The following GRID2 variants were observed in gnomAD, a reference collection of about 807,000 sequenced individuals.
GRID2 encodes glutamate receptor ionotropic, delta-2.
Under a neutral mutation model 114.8 loss-of-function variants are expected in GRID2, and 33 were observed. That is an observed-to-expected ratio of 0.29 (90% CI 0.22 to 0.38). The LOEUF (loss-of-function observed/expected upper bound fraction) is 0.38, where lower values mean the gene tolerates loss of function less well. Ranked by LOEUF, GRID2 falls within the 10% of genes least tolerant of loss-of-function variation. The pLI is 1.00. For missense variants in GRID2, 1,184 were observed against 1,257.7 expected (o/e 0.94, Z 0.89); for synonymous variants, 505 against 449.9 (o/e 1.12, Z -1.55).
At chr4:93,040,441 T>A (rs1174188637) in intron 2 of GRID2, among the ~76,000 whole-genome samples, 1 of 152,152 alleles carries the variant, frequency 6.6e-6, no homozygotes. Context: ...TCTTGAAGTT[T>A]AACAAGATTT....
At chr4:93,797,742 C>A (rs1170330685) in intron 1 of GRID2, among the ~76,000 whole-genome samples, 3 of 149,894 alleles carry the variant, frequency 2.0e-5, no homozygotes, top group Non-Finnish European at 3.0e-5. Flanking sequence ...TTGGTAAAAA[C>A]TTAATCAGAG....
In GRID2 at chr4:93,773,348, G is replaced by A. The variant is rs141747858; in HGVS notation, c.*850G>A. The A allele has an allele frequency of 2.0e-5, 3 of 152,222 alleles. No individual in the cohort carries two copies. Among genetic ancestry groups the A allele is most frequent in the Non-Finnish European group, 4.4e-5 (3 of 67,984 alleles). The allele number at this position is 152,222 out of a possible 1,614,324, so 9.4% of individuals were successfully genotyped here. A position where few individuals can be genotyped will look rare whatever the true frequency, so the allele number is the denominator to read the frequency against. On this transcript the variant is annotated 3_prime_UTR_variant, in exon 16 of 16. Transcript: ENST00000282020. ...ATTGTATACAGGAACTATGTATAGT[G>A]CAGGGGTTCTTTTCAGTTAGAAAAG... is the stretch of plus-strand genomic sequence containing the variant.
At chr4:93,489,958 T>C (rs1245543225) in intron 11 of GRID2, among the ~76,000 whole-genome samples, 1 of 151,924 alleles carries the variant, frequency 6.6e-6, no homozygotes, top group Non-Finnish European at 1.5e-5. Flanking sequence ...TCTAGTGTTA[T>C]CAAAGTATAC....
intron 13 of GRID2, among the ~76,000 whole-genome samples, chr4:93,620,749 A>G (rs4693332): frequency 0.61 from 93,284 of 151,948 alleles, 29,352 homozygotes; most frequent in East Asian, 0.73. Context: ...ATTTCAAAAA[A>G]TTTTAGGCTA....
chr4:92,823,672 A>G (rs1379045091), intron 2 of GRID2, among the ~76,000 whole-genome samples: 1 of 152,192 alleles, frequency 6.6e-6, no homozygotes, highest in African/African-American at 2.4e-5. Context: ...TCCTTAAGTT[A>G]TGATTAATTT....
chr4:92,310,266 A>T (rs544633836), intron 1 of GRID2, among the ~76,000 whole-genome samples: 1 of 152,164 alleles, frequency 6.6e-6, no homozygotes. Flanking sequence ...AGCATATTTC[A>T]TTATAAGAAT....
intron 8 of GRID2, among the ~76,000 whole-genome samples, chr4:93,344,192 AT>A (rs1759952165): frequency 6.6e-6 from 1 of 152,092 alleles, no homozygotes; most frequent in African/African-American, 2.4e-5. Context: ...AAGACTGGTC[AT>A]CAACATTCAG....
intron 2 of GRID2, among the ~76,000 whole-genome samples, chr4:92,850,302 CT>C (rs201239671): frequency 0.011 from 1,650 of 151,782 alleles, 10 homozygotes; most frequent in Middle Eastern, 0.026. Context: ...TAATTATTCT[CT>C]GTTACACACC....
intron 2 of GRID2, among the ~76,000 whole-genome samples, chr4:92,662,802 T>A (rs2149270263): frequency 6.6e-6 from 1 of 151,166 alleles, no homozygotes; most frequent in South Asian, 2.1e-4. Context: ...CAATGAACAA[T>A]ATTGGAGTTT....
At position 93,742,759 on chromosome 4, in the gene GRID2, G is replaced by A. The variant is rs571591960; in HGVS notation, c.2361-26451G>A. On this transcript the variant is annotated intron_variant, in intron 14 of 15. Transcript: ENST00000282020. The stretch of plus-strand genomic sequence containing the variant: ...TGTGGGTTCTGACTGCCCCACTCAC[G>A]GACCATTCCCCTCATATCTCTCCTT... 8.5e-4 allele frequency among the ~76,000 whole-genome samples: 129 copies of A among 152,174 alleles called. 2 individuals carry two copies. In the South Asian group the frequency reaches 0.025, roughly 30 times the overall value.
chr4:92,945,880 A>G (rs1272864954), intron 2 of GRID2, among the ~76,000 whole-genome samples: 2 of 152,128 alleles, frequency 1.3e-5, no homozygotes, highest in East Asian at 1.9e-4. Context: ...GGAAAGATCT[A>G]TGCCCCCTTA....
intron 1 of GRID2, among the ~76,000 whole-genome samples, chr4:92,414,452 TAAAC>T (rs955676624): frequency 1.3e-5 from 2 of 152,102 alleles, no homozygotes; most frequent in African/African-American, 2.4e-5. Flanking sequence ...TAATATTACA[TAAAC>T]AAAAAGAGAA....
chr4:93,353,509 C>A (rs1260476182), intron 8 of GRID2, among the ~76,000 whole-genome samples: 1 of 151,940 alleles, frequency 6.6e-6, no homozygotes, highest in African/African-American at 2.4e-5. Flanking sequence ...ACCACACAAT[C>A]ACAGATGGTG....
At chr4:93,559,781 T>C (rs1734703267) in intron 13 of GRID2, among the ~76,000 whole-genome samples, 1 of 152,136 alleles carries the variant, frequency 6.6e-6, no homozygotes, top group South Asian at 2.1e-4. Flanking sequence ...CATGCACAAG[T>C]ATGTTTATTG....
intron 1 of GRID2, among the ~76,000 whole-genome samples, chr4:92,400,585 G>T (rs143006047): frequency 2.0e-5 from 3 of 152,190 alleles, no homozygotes; most frequent in Non-Finnish European, 4.4e-5. Context: ...GCAAGTGTTT[G>T]TGTGGCCCTA....
At position 92,648,129 on chromosome 4, in the gene GRID2, A is replaced by C. The variant is rs909808293; in HGVS notation, c.244+57843A>C. ...TAATGACAATAAAATTCTTTTTGAG[A>C]TCTGTAGCATTCAGTGCCTTGATTC... On this transcript the variant is annotated intron_variant, in intron 2 of 15. Coordinates refer to ENST00000282020, the MANE Select transcript of GRID2 (RefSeq NM_001510.4). Among the ~76,000 whole-genome samples the C allele has an allele frequency of 2.0e-5, 3 of 149,834 alleles. 1 individual carries two copies. The highest frequency in any genetic ancestry group is 6.6e-5 in the Admixed American group (1 of 15,078).
chr4:92,601,612 A>G (rs1729218288), intron 2 of GRID2, among the ~76,000 whole-genome samples: 1 of 152,158 alleles, frequency 6.6e-6, no homozygotes, highest in Admixed American at 6.5e-5. Flanking sequence ...CTAACATCAC[A>G]ACTAAGAGAA....
chr4:93,231,296 G>A (rs1195491653), intron 7 of GRID2, among the ~76,000 whole-genome samples: 1 of 147,828 alleles, frequency 6.8e-6, no homozygotes, highest in Non-Finnish European at 1.5e-5. Flanking sequence ...CTTCATTCAT[G>A]TATTAATCAC....
At chr4:92,539,379 G>A (rs1417745253) in intron 1 of GRID2, among the ~76,000 whole-genome samples, 1 of 151,934 alleles carries the variant, frequency 6.6e-6, no homozygotes, top group Admixed American at 6.6e-5. Flanking sequence ...TAGCAAATGA[G>A]TAAAACATAG....
Sources: gnomAD v4.1 joint callset for allele counts (sites outside exome capture counted in the v4.1 genomes callset) on GRCh38, gnomAD v4.1.1 for gene constraint, MANE v1.5 for transcripts, NCBI Gene and HGNC (gene_info 2026-07-23, HGNC 2026-07-21) for gene names.